SH3RF3: variants seen among roughly 807,000 people sequenced by gnomAD.
The protein encoded by SH3RF3 is SH3 domain containing ring finger 3, also known as E3 ubiquitin-protein ligase SH3RF3.
Under a neutral mutation model 66.3 loss-of-function variants are expected in SH3RF3, and 29 were observed. That is an observed-to-expected ratio of 0.44 (90% CI 0.33 to 0.60). The LOEUF (loss-of-function observed/expected upper bound fraction) is 0.60, where lower values mean the gene tolerates loss of function less well. Ranked by LOEUF, SH3RF3 falls within the 20% of genes least tolerant of loss-of-function variation. The pLI is 0.04. For synonymous variants in SH3RF3, 583 were observed against 532.0 expected (o/e 1.10, Z -1.32); for missense variants, 1,194 against 1,190.9 (o/e 1.00, Z -0.04).
intron 1 of SH3RF3, among the ~76,000 whole-genome samples, chr2:109,215,687 A>T (rs1174770956): frequency 8.5e-5 from 13 of 152,130 alleles, no homozygotes; most frequent in Admixed American, 8.5e-4. Context: ...CTGCTTCTGG[A>T]ATCCTACACC....
chr2:109,129,520 A>G lies in SH3RF3; in HGVS notation c.-21A>G, dbSNP rs1240207994. On this transcript the variant is annotated 5_prime_UTR_variant, in exon 1 of 10. Transcript: ENST00000309415. ...CCCGGGACCTAGGCAGCCGCGCGAGACCGCTGCGGGCGCCTCCCCCATGCT... is the reference window on the plus strand; with the variant it reads ...CCCGGGACCTAGGCAGCCGCGCGAGGCCGCTGCGGGCGCCTCCCCCATGCT... The G allele has an allele frequency of 1.3e-6, 2 of 1,496,338 alleles. No homozygotes were observed. Among genetic ancestry groups the G allele is most frequent in the Non-Finnish European group, 1.8e-6 (2 of 1,129,318 alleles). The allele number at this position is 1,496,338 out of a possible 1,614,324, so 92.7% of individuals were successfully genotyped here. A position where few individuals can be genotyped will look rare whatever the true frequency, so the allele number is the denominator to read the frequency against.
rs186032209 is a variant in SH3RF3 at position 109,221,536 on chromosome 2, C to T, written c.573+91423C>T. 2.5e-3 allele frequency among the ~76,000 whole-genome samples: 376 copies of T among 148,982 alleles called. 3 individuals carry two copies. The highest frequency in any genetic ancestry group is 8.7e-3 in the African/African-American group (347 of 40,030). On this transcript the variant is annotated intron_variant, in intron 1 of 9. Coordinates refer to ENST00000309415, the MANE Select transcript of SH3RF3 (RefSeq NM_001099289.3). ...GGCAGAGGCTGCGGTAAGCCGCGATCGCGCCAGTGCACTCCAGCCTGGGTG... is the reference window on the plus strand; with the variant it reads ...GGCAGAGGCTGCGGTAAGCCGCGATTGCGCCAGTGCACTCCAGCCTGGGTG...
chr2:109,302,538 T>C (rs1001720623), intron 1 of SH3RF3, among the ~76,000 whole-genome samples: 4 of 152,212 alleles, frequency 2.6e-5, no homozygotes, highest in Non-Finnish European at 4.4e-5. Context: ...CTCTAGGAGC[T>C]TGGGGACCAG....
intron 7 of SH3RF3, among the ~76,000 whole-genome samples, chr2:109,446,989 G>A (rs1310221280): frequency 2.6e-5 from 4 of 151,838 alleles, no homozygotes; most frequent in East Asian, 1.9e-4. Flanking sequence ...AATAAATCTC[G>A]AGGAGCGGCC....
intron 8 of SH3RF3, among the ~76,000 whole-genome samples, chr2:109,478,849 C>T (rs1007332711): frequency 6.6e-6 from 1 of 152,168 alleles, no homozygotes; most frequent in African/African-American, 2.4e-5. Context: ...CAAATCATCT[C>T]AAAACTCAGT....
rs572675540 is a variant in SH3RF3 at position 109,494,119 on chromosome 2, G to A, written c.2480+3183G>A. ...TCTCCCCTAGGATCCTTCTTCCCCA[G>A]ACCCCTCAACTTTATCTTCAAAGAC... is the stretch of plus-strand genomic sequence containing the variant. On this transcript the variant is annotated intron_variant, in intron 9 of 9. Transcript: ENST00000309415. 7.2e-5 allele frequency among the ~76,000 whole-genome samples: 11 copies of A among 152,214 alleles called. No homozygotes were observed. In the East Asian group the frequency reaches 2.1e-3, roughly 29 times the overall value.
intron 5 of SH3RF3, among the ~76,000 whole-genome samples, chr2:109,430,108 C>G (rs912243476): frequency 1.3e-5 from 2 of 152,162 alleles, no homozygotes; most frequent in Non-Finnish European, 2.9e-5. Context: ...AGCTGATGAG[C>G]CCCCCACTCC....
chr2:109,180,567 G>T (rs1490706658), intron 1 of SH3RF3, among the ~76,000 whole-genome samples: 1 of 152,186 alleles, frequency 6.6e-6, no homozygotes, highest in Non-Finnish European at 1.5e-5. Context: ...ATTGAATCAT[G>T]GGGGTGGTTT....
At chr2:109,223,170 G>T (rs1679293650) in intron 1 of SH3RF3, among the ~76,000 whole-genome samples, 1 of 152,248 alleles carries the variant, frequency 6.6e-6, no homozygotes, top group Admixed American at 6.5e-5. Context: ...ACCAGCATGG[G>T]TGCTGCTGCC....
At chr2:109,458,170 G>A (rs763495915) in intron 8 of SH3RF3, among the ~76,000 whole-genome samples, 18 of 152,158 alleles carry the variant, frequency 1.2e-4, no homozygotes, top group Non-Finnish European at 2.2e-4. Context: ...CACCTGATAA[G>A]CTATGTGCTT....
intron 1 of SH3RF3, among the ~76,000 whole-genome samples, chr2:109,186,388 T>G (rs1484320824): frequency 1.3e-5 from 2 of 152,226 alleles, no homozygotes; most frequent in African/African-American, 2.4e-5. Flanking sequence ...TCACATAGCA[T>G]TAAGAGGCGG....
Position 109,432,664 on chromosome 2 carries a change from G to A in SH3RF3, c.1567G>A (p.Val523Ile), listed in dbSNP as rs753691494. Reference sequence around the variant, plus strand: ...GTTCCCCGGAAACTACGTGACACCCGTTTCCAGGTGAGGGCATGGTGGTGG... The same window carrying A: ...GTTCCCCGGAAACTACGTGACACCCATTTCCAGGTGAGGGCATGGTGGTGG... Reference protein sequence around the residue: ...GVFPGNYVTPVSRVPAGGAGP... With the variant: ...GVFPGNYVTPISRVPAGGAGP... The change falls in exon 6 of 10, where the codon GTT (valine) becomes ATT (isoleucine). Residue 523 changes from valine to isoleucine, a missense_variant. Physicochemically the swap from Val to Ile is conservative, Grantham distance 29. Transcript: ENST00000309415. 74 of 1,611,138 alleles carry A rather than the reference G, an allele frequency of 4.6e-5. No individual in the cohort carries two copies. Among genetic ancestry groups the A allele is most frequent in the East Asian group, 8.9e-5 (4 of 44,854 alleles).
chr2:109,229,804 T>A (rs1249888442), intron 1 of SH3RF3, among the ~76,000 whole-genome samples: 1 of 149,462 alleles, frequency 6.7e-6, no homozygotes, highest in Non-Finnish European at 1.5e-5. Flanking sequence ...GTGTTTAGAT[T>A]TTTTTTCTTT....
chr2:109,244,870 A>G (rs1162697184), intron 1 of SH3RF3, among the ~76,000 whole-genome samples: 2 of 152,196 alleles, frequency 1.3e-5, no homozygotes, highest in African/African-American at 4.8e-5. Flanking sequence ...AGCCTGTGCC[A>G]TCGTCATATT....
intron 1 of SH3RF3, among the ~76,000 whole-genome samples, chr2:109,171,183 A>G (rs146907548): frequency 7.6e-4 from 115 of 152,206 alleles, no homozygotes; most frequent in Admixed American, 2.7e-3. Context: ...TTTTTGGTTT[A>G]TTTATGTATA....
At chr2:109,232,500 A>G (rs1173603235) in intron 1 of SH3RF3, among the ~76,000 whole-genome samples, 1 of 152,178 alleles carries the variant, frequency 6.6e-6, no homozygotes, top group Non-Finnish European at 1.5e-5. Context: ...GTGAACACTG[A>G]CTGAGGGGGA....
chr2:109,493,034 ACACATACCC>A (rs1679168627), intron 9 of SH3RF3, among the ~76,000 whole-genome samples: 1 of 151,820 alleles, frequency 6.6e-6, no homozygotes, highest in African/African-American at 2.4e-5. Flanking sequence ...CACCATACAA[ACACATACCC>A]CACATACATC....
intron 1 of SH3RF3, among the ~76,000 whole-genome samples, chr2:109,142,319 T>G (rs1676974115): frequency 6.6e-6 from 1 of 152,224 alleles, no homozygotes; most frequent in Admixed American, 6.5e-5. Context: ...TATTTTTTCT[T>G]AAAAATTCCC....
At chr2:109,220,547 G>T (rs954604507) in intron 1 of SH3RF3, among the ~76,000 whole-genome samples, 1 of 152,086 alleles carries the variant, frequency 6.6e-6, no homozygotes, top group Non-Finnish European at 1.5e-5. Flanking sequence ...ATGAATATCT[G>T]GAATATATAA....
Sources: allele counts gnomAD v4.1 joint callset (sites outside exome capture counted in the v4.1 genomes callset), GRCh38; gene constraint gnomAD v4.1.1; transcripts MANE v1.5; gene names NCBI Gene and HGNC (gene_info 2026-07-23, HGNC 2026-07-21).